The following ADAM7 variants were observed in gnomAD, a reference collection of about 807,000 sequenced individuals.
ADAM7 encodes the protein disintegrin and metalloproteinase domain-containing protein 7.
A neutral mutation model predicts 102.9 loss-of-function variants in ADAM7; 97 were observed. That is an observed-to-expected ratio of 0.94 (90% CI 0.80 to 1.12). The LOEUF is 1.12. Among genes scored for constraint, ADAM7 ranks in the 50% most tolerant of loss-of-function variants. The pLI, the probability that ADAM7 is intolerant of heterozygous loss-of-function variation, is 0.00. For missense variants in ADAM7, 991 were observed against 908.7 expected (o/e 1.09, Z -1.16); for synonymous variants, 334 against 304.4 (o/e 1.10, Z -1.01).
intron 10 of ADAM7, 134 bp downstream of exon 10, chr8:24,485,495 A>T (rs1820111012): frequency 3.1e-6 from 2 of 645,834 alleles, no homozygotes; most frequent in South Asian, 3.0e-5. Context: ...ACAGACTGTT[A>T]TGCTTCCTTT....
rs1030767626 is a variant in ADAM7, at chr8:24,455,501, T to A, written c.233+8239T>A. Among the ~76,000 whole-genome samples the A allele has an allele frequency of 6.6e-5, 10 of 152,290 alleles. 1 individual carries two copies. Among genetic ancestry groups the A allele is most frequent in the African/African-American group, 2.4e-4 (10 of 41,558 alleles). On this transcript the variant is annotated intron_variant, in intron 3 of 21. Transcript: ENST00000175238. ...CACTGTAGCCTTGATCTCAACCTCC[T>A]GGGCTCAGGTGATCCTCCCACCTCA...
chr8:24,476,061 C>G (rs1010264137), intron 7 of ADAM7: 2 of 425,456 alleles, frequency 4.7e-6, no homozygotes, highest in Non-Finnish European at 9.3e-6. Context: ...TGTTCTTCGC[C>G]ATATAGATTG....
chr8:24,454,321 T>C (rs1018541764), intron 3 of ADAM7, among the ~76,000 whole-genome samples: 17 of 152,236 alleles, frequency 1.1e-4, no homozygotes, highest in African/African-American at 3.9e-4. Context: ...TCGAGCTTCC[T>C]GGCTGCTTTG....
At chr8:24,462,373 C>G (rs1819273747) in intron 3 of ADAM7, among the ~76,000 whole-genome samples, 1 of 152,194 alleles carries the variant, frequency 6.6e-6, no homozygotes, top group African/African-American at 2.4e-5. Flanking sequence ...ACTCCAAACT[C>G]TGTTATATGG....
chr8:24,482,699 T>G (rs761937174), intron 9 of ADAM7, among the ~76,000 whole-genome samples: 33 of 152,084 alleles, frequency 2.2e-4, no homozygotes, highest in Non-Finnish European at 4.4e-4. Flanking sequence ...ACATGAGCTG[T>G]GGTTGTGCCA....
chr8:24,503,489 C>A (rs1017714972), intron 20 of ADAM7, among the ~76,000 whole-genome samples: 1 of 152,060 alleles, frequency 6.6e-6, no homozygotes, highest in Non-Finnish European at 1.5e-5. Flanking sequence ...GGATCTAGAA[C>A]TAGAAATACC....
intron 2 of ADAM7, 65 bp downstream of exon 2, chr8:24,442,641 G>C (rs1405383147): frequency 7.8e-7 from 1 of 1,282,272 alleles, no homozygotes; most frequent in East Asian, 2.3e-5. Context: ...GTTGTCTCTA[G>C]CTCCAACCAG....
At chr8:24,482,447 G>A (rs1819986906) in intron 9 of ADAM7, 136 bp downstream of exon 9, 1 of 863,490 alleles carries the variant, frequency 1.2e-6, no homozygotes, top group Admixed American at 2.9e-5. Flanking sequence ...GTTATTTGTA[G>A]CTACACAGAA....
chr8:24,465,721 C>G lies in ADAM7; in HGVS notation c.335C>G (p.Ser112Cys). The stretch of plus-strand genomic sequence containing the variant: ...TAGGATCATTGTTTTTACCAAGGAT[C>G]CATAGTACACGAATATGATTCAGCT... ...QIMDHCFYQG[S>C]IVHEYDSAAS... The change falls in exon 5 of 22, where the codon TCC becomes TGC. Residue 112 changes from serine (S) to cysteine (C), a missense_variant. By Grantham distance (112) the Ser-to-Cys change is moderately radical. Coordinates refer to ENST00000175238, the MANE Select transcript of ADAM7 (RefSeq NM_003817.4). 6.2e-7 allele frequency: 1 copy of G among 1,608,172 alleles called. No homozygotes were observed. The highest frequency in any genetic ancestry group is 8.5e-7 in the Non-Finnish European group (1 of 1,177,240).
rs1819377408 is a variant in ADAM7 at position 24,464,977 on chromosome 8, G to A, written c.313-722G>A. On this transcript the variant is annotated intron_variant, in intron 4 of 21. Transcript: ENST00000175238. ...AATTTTTGTATTTTTAGTAGAGGCG[G>A]GGTTTCACCATGTTGGCCAGGATGG... is the stretch of plus-strand genomic sequence containing the variant. Among the ~76,000 whole-genome samples the A allele has an allele frequency of 3.9e-5, 6 of 152,014 alleles. No individual in the cohort carries two copies. In the South Asian group the frequency reaches 1.3e-3, roughly 32 times the overall value.
intron 8 of ADAM7, among the ~76,000 whole-genome samples, chr8:24,476,826 A>G (rs939222984): frequency 5.3e-5 from 8 of 152,188 alleles, no homozygotes; most frequent in Admixed American, 6.6e-5. Flanking sequence ...CTGCTCTGTG[A>G]CGTTGTATAA....
At position 24,492,112 on chromosome 8, in the gene ADAM7, ACAG is replaced by A. The variant is rs1294078974; in HGVS notation, c.1552+15_1552+17del. 6.2e-7 allele frequency: 1 copy of A among 1,606,742 alleles called. No homozygotes were observed. The highest frequency in any genetic ancestry group is 8.5e-7 in the Non-Finnish European group (1 of 1,176,384). On this transcript the variant is annotated intron_variant, in intron 14 of 21. Coordinates refer to ENST00000175238, the MANE Select transcript of ADAM7 (RefSeq NM_003817.4). ...TATTTGATGATGGTGAGAGATAATC[ACAG>A]TGAAGTATTCACACAGATGGTGGCC... is the stretch of plus-strand genomic sequence containing the variant.
chr8:24,442,655 CAA>C, intron 2 of ADAM7, 79 bp downstream of exon 2: 1 of 1,135,542 alleles, frequency 8.8e-7, no homozygotes, highest in Non-Finnish European at 1.3e-6. Flanking sequence ...CAACCAGAAG[CAA>C]ATAGGGAGAG....
intron 6 of ADAM7, among the ~76,000 whole-genome samples, chr8:24,468,290 G>GA (rs112725172): frequency 1.3e-3 from 179 of 137,880 alleles, no homozygotes; most frequent in East Asian, 2.3e-3. Context: ...CTCAGTAAAT[G>GA]AAAAAAAAAA....
chr8:24,494,101 T>C (rs1820474481), intron 16 of ADAM7, among the ~76,000 whole-genome samples: 1 of 152,274 alleles, frequency 6.6e-6, no homozygotes, highest in East Asian at 1.9e-4. Flanking sequence ...CTATGTGATA[T>C]GTCTTCCCTT....
intron 20 of ADAM7, among the ~76,000 whole-genome samples, chr8:24,504,063 T>TA (rs368461387): frequency 0.03 from 3,592 of 118,400 alleles, 162 homozygotes; most frequent in African/African-American, 0.1. Flanking sequence ...TAAAATAAAA[T>TA]AAATAAAATA....
intron 7 of ADAM7, among the ~76,000 whole-genome samples, chr8:24,471,636 A>G (rs1819608337): frequency 6.6e-6 from 1 of 152,152 alleles, no homozygotes; most frequent in Non-Finnish European, 1.5e-5. Flanking sequence ...GTTGTAGGTT[A>G]TAACATTTAG....
intron 20 of ADAM7, among the ~76,000 whole-genome samples, chr8:24,506,766 C>T (rs1234484475): frequency 6.6e-6 from 1 of 151,204 alleles, no homozygotes; most frequent in African/African-American, 2.4e-5. Context: ...CACACACACA[C>T]ACACACACAC....
At chr8:24,504,793 T>C (rs896909827) in intron 20 of ADAM7, among the ~76,000 whole-genome samples, 1 of 152,124 alleles carries the variant, frequency 6.6e-6, no homozygotes, top group Non-Finnish European at 1.5e-5. Context: ...TATGACATTT[T>C]AGTGGAAATG....
Sources: gnomAD v4.1 joint callset for allele counts (sites outside exome capture counted in the v4.1 genomes callset) on GRCh38, gnomAD v4.1.1 for gene constraint, MANE v1.5 for transcripts, NCBI Gene and HGNC (gene_info 2026-07-23, HGNC 2026-07-21) for gene names.